PYGO1: variants seen among roughly 807,000 people sequenced by gnomAD.
PYGO1 encodes pygopus family PHD finger 1.
In PYGO1, 6 loss-of-function variants were observed where a neutral mutation model predicts 29.5. The observed-to-expected ratio is 0.20, with a 90% CI of 0.11 to 0.40. The LOEUF (loss-of-function observed/expected upper bound fraction) is 0.40. Among genes scored for constraint, PYGO1 ranks in the 10% least tolerant of loss-of-function variants. The probability of loss-of-function intolerance (pLI) is 1.00; values close to 1 mark genes in which losing one functional copy is unlikely to be tolerated. For missense variants in PYGO1, 515 were observed against 514.9 expected (o/e 1.00, Z 0.00); for synonymous variants, 186 against 180.5 (o/e 1.03, Z -0.24).
Position 55,546,874 on chromosome 15 carries a change from C to G in PYGO1, c.409G>C (p.Gly137Arg), listed in dbSNP as rs768837584. 119 of 1,613,760 alleles carry G rather than the reference C, an allele frequency of 7.4e-5. No homozygotes were observed. The highest frequency in any genetic ancestry group is 3.3e-4 in the Middle Eastern group (2 of 6,084). Residue 137 changes from glycine (G) to arginine (R), a missense_variant, in exon 3 of 3, where the codon GGC (glycine) becomes CGC (arginine). Transcript: ENST00000563719. ...GCATGAGGTCGATTAAAACCCATGC[C>G]CAGAGGATTCTGAGGAAATGGGTGT... Reference protein sequence around the residue: ...QPHPFPQNPLGMGFNRPHAFN... With the variant: ...QPHPFPQNPLRMGFNRPHAFN...
In PYGO1 at chr15:55,548,590, C is replaced by A. The variant is rs186886221; in HGVS notation, c.135+320G>T. On this transcript the variant is annotated intron_variant, in intron 2 of 2. Coordinates refer to ENST00000563719, the MANE Select transcript of PYGO1 (RefSeq NM_001367806.1). ...GCATGGTGGCGCGTGCCTGTAATTC[C>A]AGCTACTTGGGAGGCTGAGGCAGGA... Among the ~76,000 whole-genome samples the A allele has an allele frequency of 1.7e-4, 26 of 150,870 alleles. 1 individual carries two copies. The highest frequency in any genetic ancestry group is 4.6e-4 in the Admixed American group (7 of 15,172).
intron 1 of PYGO1, among the ~76,000 whole-genome samples, chr15:55,577,976 T>C (rs1304557112): frequency 3.3e-5 from 5 of 152,132 alleles, no homozygotes; most frequent in Non-Finnish European, 7.4e-5. Context: ...GGTTTCACCA[T>C]GTTGGCCAGG....
intron 1 of PYGO1, among the ~76,000 whole-genome samples, chr15:55,550,690 ACAC>A (rs1310664816): frequency 1.3e-5 from 2 of 152,040 alleles, no homozygotes; most frequent in African/African-American, 4.8e-5. Flanking sequence ...TGGTTTTTCA[ACAC>A]CTGTTTAATT....
chr15:55,552,142 G>T (rs888586160), intron 1 of PYGO1, among the ~76,000 whole-genome samples: 1 of 151,908 alleles, frequency 6.6e-6, no homozygotes, highest in African/African-American at 2.4e-5. Context: ...ATCACTTGAG[G>T]TCAGGAGTTC....
chr15:55,563,355 A>T (rs2058941432), intron 1 of PYGO1, among the ~76,000 whole-genome samples: 1 of 149,028 alleles, frequency 6.7e-6, no homozygotes, highest in Non-Finnish European at 1.5e-5. Context: ...GGTTGGTTAC[A>T]TGAATAAATT....
chr15:55,550,687 T>G (rs1371545027), intron 1 of PYGO1, among the ~76,000 whole-genome samples: 2 of 152,226 alleles, frequency 1.3e-5, no homozygotes, highest in African/African-American at 4.8e-5. Flanking sequence ...TTTTGGTTTT[T>G]CAACACCTGT....
chr15:55,571,443 T>C (rs1359364284), intron 1 of PYGO1, among the ~76,000 whole-genome samples: 1 of 152,196 alleles, frequency 6.6e-6, no homozygotes, highest in African/African-American at 2.4e-5. Flanking sequence ...CCAAATCTCA[T>C]CTTGAATTCC....
At chr15:55,547,898 T>A (rs999742744) in intron 2 of PYGO1, among the ~76,000 whole-genome samples, 1 of 152,274 alleles carries the variant, frequency 6.6e-6, no homozygotes, top group African/African-American at 2.4e-5. Context: ...ACTAAATCAC[T>A]ATTATAGTTG....
intron 1 of PYGO1, among the ~76,000 whole-genome samples, chr15:55,553,636 C>A (rs1359885232): frequency 6.6e-6 from 1 of 152,144 alleles, no homozygotes; most frequent in Non-Finnish European, 1.5e-5. Context: ...GTCTCAAACT[C>A]CTGACCTCAA....
chr15:55,560,344 A>G lies in PYGO1; in HGVS notation c.50-11349T>C, dbSNP rs1051394329. 3.7e-4 allele frequency among the ~76,000 whole-genome samples: 56 copies of G among 152,152 alleles called. 1 individual carries two copies. The highest frequency in any genetic ancestry group is 3.6e-3 in the Admixed American group (55 of 15,268). ...CAACTTCAGCAAAATCTCAGGATAT[A>G]AAATCAGTGTAAAAAAATTGCAAGC... On this transcript the variant is annotated intron_variant, in intron 1 of 2. Coordinates refer to ENST00000563719, the MANE Select transcript of PYGO1 (RefSeq NM_001367806.1).
intron 1 of PYGO1, among the ~76,000 whole-genome samples, chr15:55,570,825 C>T (rs2141668253): frequency 6.6e-6 from 1 of 152,204 alleles, no homozygotes; most frequent in South Asian, 2.1e-4. Context: ...ATAATTCTCT[C>T]AGGTTTTTTT....
chr15:55,587,406 T>C (rs1244192778), intron 1 of PYGO1, among the ~76,000 whole-genome samples: 2 of 151,760 alleles, frequency 1.3e-5, no homozygotes, highest in African/African-American at 2.4e-5. Context: ...AGGAGAGACG[T>C]GAAAGCCCAG....
At chr15:55,586,579 C>T (rs1443096985) in intron 1 of PYGO1, among the ~76,000 whole-genome samples, 1 of 152,202 alleles carries the variant, frequency 6.6e-6, no homozygotes, top group East Asian at 1.9e-4. Flanking sequence ...CTCCTTAGCC[C>T]CTGTCACAGG....
In PYGO1 at chr15:55,548,974, C is replaced by G. The variant is rs564379685; in HGVS notation, c.71G>C (p.Gly24Ala). ...TAGTTGTACACCTGGTCCTCCTAAC[C>G]CATCCAGTCCACTATCACCACCTAA... ...RVRGGDSGLD[G>A]LGGPGVQLGS... The change falls in exon 2 of 3, where the codon GGG becomes GCG. Residue 24 changes from glycine to alanine, a missense_variant. By Grantham distance (60) the Gly-to-Ala change is moderately conservative. Coordinates refer to ENST00000563719, the MANE Select transcript of PYGO1 (RefSeq NM_001367806.1). 1 of 1,610,158 alleles carries G rather than the reference C, an allele frequency of 6.2e-7. No homozygotes were observed. Among genetic ancestry groups the G allele is most frequent in the South Asian group, 1.1e-5 (1 of 90,080 alleles).
intron 1 of PYGO1, among the ~76,000 whole-genome samples, chr15:55,555,633 C>A (rs962823419): frequency 6.6e-6 from 1 of 151,654 alleles, no homozygotes; most frequent in Non-Finnish European, 1.5e-5. Context: ...TGTAACAAAC[C>A]TGCACGTTGT....
intron 1 of PYGO1, among the ~76,000 whole-genome samples, chr15:55,559,884 CA>C (rs2058925447): frequency 1.3e-5 from 2 of 152,170 alleles, no homozygotes; most frequent in Admixed American, 6.6e-5. Flanking sequence ...CTTGATTCAA[CA>C]GATGAAAATC....
In PYGO1 at chr15:55,542,432, T is replaced by C. The variant is rs1392092814; in HGVS notation, c.*3591A>G. On this transcript the variant is annotated 3_prime_UTR_variant, in exon 3 of 3. Coordinates refer to ENST00000563719, the MANE Select transcript of PYGO1 (RefSeq NM_001367806.1). ...AACCTTCTAATTTGAATAACAATTA[T>C]AGCAGTACTCTAAAGTATTTCACAC... The C allele has an allele frequency of 6.6e-6, 1 of 152,220 alleles. No individual in the cohort carries two copies. Among genetic ancestry groups the C allele is most frequent in the Non-Finnish European group, 1.5e-5 (1 of 68,044 alleles). 9.4% of individuals were successfully genotyped at this position (152,220 alleles called of 1,614,324 possible). A position where few individuals can be genotyped will look rare whatever the true frequency, so the allele number is the denominator to read the frequency against.
Position 55,546,348 on chromosome 15 carries a change from C to T in PYGO1, c.935G>A (p.Gly312Asp), listed in dbSNP as rs763431118. Reference protein sequence around the residue: ...GTQNKPRQPRGAADACTTEKS... With the variant: ...GTQNKPRQPRDAADACTTEKS... ...TTCTGTGGTGCAGGCATCTGCTGCA[C>T]CTCTTGGTTGTCGTGGCTTATTCTG... Residue 312 changes from glycine to aspartate, a missense_variant, in exon 3 of 3, where the codon GGT (glycine) becomes GAT (aspartate). By Grantham distance (94) the Gly-to-Asp change is moderately conservative. Transcript: ENST00000563719. The T allele has an allele frequency of 5.0e-6, 8 of 1,614,162 alleles. No homozygotes were observed. In the South Asian group the frequency reaches 7.7e-5, roughly 16 times the overall value.
chr15:55,578,719 C>T (rs566160267), intron 1 of PYGO1, among the ~76,000 whole-genome samples: 1 of 152,220 alleles, frequency 6.6e-6, no homozygotes, highest in East Asian at 1.9e-4. Flanking sequence ...TTGTGAATTA[C>T]AAAAATTCTT....
Sources: gnomAD v4.1 joint callset for allele counts (sites outside exome capture counted in the v4.1 genomes callset) on GRCh38, gnomAD v4.1.1 for gene constraint, MANE v1.5 for transcripts, NCBI Gene and HGNC (gene_info 2026-07-23, HGNC 2026-07-21) for gene names.